Variants in LACTBL1 observed in about 807,000 individuals in gnomAD.
LACTBL1 encodes the protein lactamase beta like 1.
LACTBL1 carries 29 observed loss-of-function variants against 39.6 expected under a neutral mutation model. The observed-to-expected ratio is 0.73, with a 90% CI of 0.55 to 1.00. The LOEUF (loss-of-function observed/expected upper bound fraction) is 1.00. LACTBL1 is among the 50% of genes least tolerant of loss of function. LACTBL1 has a pLI of 0.00. For synonymous variants in LACTBL1, 361 were observed against 360.7 expected (o/e 1.00, Z -0.01); for missense variants, 711 against 748.5 (o/e 0.95, Z 0.59).
chr1:22,958,594 G>T, intron 4 of LACTBL1, 91 bp downstream of exon 6: 1 of 1,115,656 alleles, frequency 9.0e-7, no homozygotes, highest in Non-Finnish European at 1.3e-6. Flanking sequence ...GCAGAGCCAA[G>T]AGTGAGCCCA....
chr1:22,953,751 C>A, exon 6 of LACTBL1: 1 of 1,396,010 alleles, frequency 7.2e-7, no homozygotes, highest in Non-Finnish European at 9.3e-7. Context: ...CGCCCAGGAG[C>A]GCCACGGCCA....
chr1:22,958,760 C>A, exon 4 of LACTBL1: 1 of 1,550,642 alleles, frequency 6.4e-7, no homozygotes, highest in Non-Finnish European at 8.7e-7. Flanking sequence ...TCCAGCCCGT[C>A]CATCAGGCCC....
At chr1:22,970,556 A>G in the LACTBL1 span, among the ~76,000 whole-genome samples, 1 of 152,150 alleles carries the variant, frequency 6.6e-6, no homozygotes, top group South Asian at 2.1e-4. Flanking sequence ...GTTGAAAGTC[A>G]TAGAACTCTG....
chr1:22,960,593 G>A (rs1292254940), intron 2 of LACTBL1, among the ~76,000 whole-genome samples: 2 of 132,522 alleles, frequency 1.5e-5, no homozygotes, highest in African/African-American at 3.0e-5. Context: ...CTCCAGCCCA[G>A]GCAGCAAGAG....
At chr1:22,959,364 TA>T (rs1482414294) in intron 3 of LACTBL1, among the ~76,000 whole-genome samples, 3 of 152,250 alleles carry the variant, frequency 2.0e-5, no homozygotes, top group African/African-American at 7.2e-5. Flanking sequence ...CAGTACATGT[TA>T]GCACATATAA....
In LACTBL1 at chr1:22,958,930, GTT is replaced by G; in HGVS notation, c.318-12_318-11del. The stretch of plus-strand genomic sequence containing the variant: ...GGAGATGCTGGAGATCCTAGATAAT[GTT>G]GGGAATACAAGCAGTCAAAGGGCAT... On this transcript the variant is annotated splice_polypyrimidine_tract_variant and intron_variant, in intron 3 of 5. Transcript: ENST00000426928. 6.5e-7 allele frequency: 1 copy of G among 1,534,330 alleles called. No individual in the cohort carries two copies. Among genetic ancestry groups the G allele is most frequent in the Non-Finnish European group, 8.8e-7 (1 of 1,134,318 alleles).
intron 5 of LACTBL1, among the ~76,000 whole-genome samples, chr1:22,955,042 C>G (rs985860821): frequency 2.6e-5 from 4 of 152,226 alleles, no homozygotes; most frequent in Non-Finnish European, 5.9e-5. Flanking sequence ...CCACGAGGAG[C>G]AAACCGGGTG....
At chr1:22,953,757 G>A (rs1640733411) in exon 6 of LACTBL1, 5 of 1,426,450 alleles carry the variant, frequency 3.5e-6, no homozygotes, top group East Asian at 6.0e-5. Context: ...GGAGCGCCAC[G>A]GCCAGCTTGG....
intron 2 of LACTBL1, among the ~76,000 whole-genome samples, chr1:22,960,634 A>AAAC (rs1220389683): frequency 6.6e-6 from 1 of 151,028 alleles, no homozygotes; most frequent in East Asian, 1.9e-4. Context: ...AAAAAAAAAA[A>AAAC]AAAAAAAACC....
At chr1:22,953,118 G>A (rs958610877) in exon 6 of LACTBL1, 5 of 1,232,086 alleles carry the variant, frequency 4.1e-6, no homozygotes, top group Middle Eastern at 3.1e-4. Flanking sequence ...CGTCGAAGCC[G>A]GGTGACAGCC....
At chr1:22,953,443 C>T (rs1640727138) in exon 6 of LACTBL1, 1 of 1,227,466 alleles carries the variant, frequency 8.1e-7, no homozygotes, top group Non-Finnish European at 1.0e-6. Flanking sequence ...CTCGGCCTCC[C>T]GGAGGGCGCG....
At position 22,953,394 on chromosome 1, in the gene LACTBL1, G is replaced by C. The variant is rs1570496740; in HGVS notation, c.1290C>G (p.Ala430=). The change falls in exon 6 of 6, where the codon GCC becomes GCG. Residue 430 remains alanine, a synonymous_variant. Coordinates refer to ENST00000426928, the Ensembl canonical transcript of LACTBL1. ...TCAGGTTGGCGAAGGTGAAGTAGCCGGCGAAGGGGTGCGCGGTGGGCGGCG... is the reference window on the plus strand; with the variant it reads ...TCAGGTTGGCGAAGGTGAAGTAGCCCGCGAAGGGGTGCGCGGTGGGCGGCG... 2.4e-6 allele frequency: 3 copies of C among 1,228,080 alleles called. No homozygotes were observed. The East Asian group carries it at 9.6e-5, about 39-fold the overall frequency. The allele number at this position is 1,228,080 out of a possible 1,614,324, so 76.1% of individuals were successfully genotyped here. A position where few individuals can be genotyped will look rare whatever the true frequency, so the allele number is the denominator to read the frequency against.
At chr1:22,971,651 G>A in the LACTBL1 span, among the ~76,000 whole-genome samples, 1 of 152,108 alleles carries the variant, frequency 6.6e-6, no homozygotes, top group Non-Finnish European at 1.5e-5. Context: ...CTGTGCTCTG[G>A]GCCACATCTG....
At chr1:22,954,008 G>C in exon 6 of LACTBL1, 1 of 1,539,480 alleles carries the variant, frequency 6.5e-7, no homozygotes, top group Non-Finnish European at 8.8e-7. Flanking sequence ...GAGAAGGCCA[G>C]CGTGCTGTAA....
chr1:22,972,001 A>T, the LACTBL1 span, among the ~76,000 whole-genome samples: 1 of 152,122 alleles, frequency 6.6e-6, no homozygotes, highest in Admixed American at 6.5e-5. Flanking sequence ...GTAGTTAGGA[A>T]TGAGCTTGGG....
At chr1:22,959,942 C>T in exon 3 of LACTBL1, 1 of 1,551,210 alleles carries the variant, frequency 6.4e-7, no homozygotes, top group Non-Finnish European at 8.7e-7. Flanking sequence ...CCCAGCTGAC[C>T]TGTACATGGT....
At chr1:22,967,569 C>T (rs180852735), upstream of LACTBL1, among the ~76,000 whole-genome samples, 142 of 136,236 alleles carry the variant, frequency 1.0e-3, no homozygotes, top group South Asian at 6.6e-3. Flanking sequence ...CATATATATA[C>T]ACACACACAC....
exon 6 of LACTBL1, chr1:22,953,782 G>A (rs772360677): frequency 9.8e-6 from 15 of 1,525,838 alleles, no homozygotes; most frequent in South Asian, 6.1e-5. Flanking sequence ...GTCGGCGGCG[G>A]TAGAGTACAT....
At chr1:22,958,115 T>C (rs1331379559) in intron 4 of LACTBL1, among the ~76,000 whole-genome samples, 1 of 152,176 alleles carries the variant, frequency 6.6e-6, no homozygotes, top group Non-Finnish European at 1.5e-5. Flanking sequence ...ATAAACTTTT[T>C]TTCTTTTTAG....
Sources: allele counts gnomAD v4.1 joint callset (sites outside exome capture counted in the v4.1 genomes callset), GRCh38; gene constraint gnomAD v4.1.1; transcripts MANE v1.5; gene names NCBI Gene and HGNC (gene_info 2026-07-23, HGNC 2026-07-21).